Variants in PGBD1 observed in about 807,000 individuals in gnomAD.
PGBD1 encodes the protein piggyBac transposable element-derived protein 1.
In PGBD1, 25 loss-of-function variants were observed where a neutral mutation model predicts 34.7. The observed-to-expected ratio is 0.72, with a 90% confidence interval of 0.52 to 1.00. The LOEUF (loss-of-function observed/expected upper bound fraction) is 1.00, where lower values mean the gene tolerates loss of function less well. Ranked by LOEUF, PGBD1 falls within the 50% of genes least tolerant of loss-of-function variation. The probability of loss-of-function intolerance (pLI) is 0.00; values close to 1 mark genes in which losing one functional copy is unlikely to be tolerated. For missense variants in PGBD1, 830 were observed against 959.4 expected, an observed-to-expected ratio of 0.87 and a Z score of 1.78; for synonymous variants, 292 against 335.7, an observed-to-expected ratio of 0.87 and a Z score of 1.42.
chr6:28,290,003 T>C (rs1002673161), intron 4 of PGBD1, among the ~76,000 whole-genome samples: 13 of 152,220 alleles, frequency 8.5e-5, no homozygotes, highest in African/African-American at 2.9e-4. Flanking sequence ...GTAAGCCTCA[T>C]GATAACTACA....
intron 4 of PGBD1, among the ~76,000 whole-genome samples, chr6:28,293,419 G>C (rs1414580624): frequency 3.3e-5 from 5 of 152,144 alleles, no homozygotes; most frequent in African/African-American, 7.2e-5. Context: ...ACTGATAAAG[G>C]GAGAAAATAA....
intron 4 of PGBD1, among the ~76,000 whole-genome samples, chr6:28,294,295 G>C (rs766937086): frequency 6.6e-6 from 1 of 152,208 alleles, no homozygotes; most frequent in Non-Finnish European, 1.5e-5. Flanking sequence ...GGTTCGTGAG[G>C]TGTAAGGAAG....
At position 28,299,461 on chromosome 6, in the gene PGBD1, C is replaced by T. The variant is rs74984315; in HGVS notation, c.870-1263C>T. Among the ~76,000 whole-genome samples the T allele has an allele frequency of 7.4e-3, 1,128 of 152,142 alleles. 12 individuals carry two copies. Among genetic ancestry groups the T allele is most frequent in the East Asian group, 0.065 (334 of 5,170 alleles). On this transcript the variant is annotated intron_variant, in intron 6 of 6. Transcript: ENST00000682144. ...TTTAGATGTCAACAGTAGAAAGACT[C>T]AGTGTGATCAAGGAATGTCACTGAA...
intron 2 of PGBD1, 96 bp from the exon 3 acceptor site, chr6:28,285,455 G>A (rs1222808183): frequency 3.9e-6 from 5 of 1,295,256 alleles, no homozygotes; most frequent in Non-Finnish European, 5.2e-6. Context: ...TTTCTGCCTT[G>A]TTTGCTGCTG....
In PGBD1 at chr6:28,284,161, G is replaced by A. The variant is rs755314966; in HGVS notation, c.348G>A (p.Val116=). ...CTCTGGAGAGTGGAGAGGAGGCAGT[G>A]ACAGTGCTGGAGAATCTAGAGACAG... is the stretch of plus-strand genomic sequence containing the variant. ...TYPLESGEEA[V]TVLENLETGS... Residue 116 remains valine, a synonymous_variant, in exon 2 of 7, where the codon GTG becomes GTA. Transcript: ENST00000682144. 4 of 1,595,566 alleles carry A rather than the reference G, an allele frequency of 2.5e-6. No homozygotes were observed. In the African/African-American group the frequency reaches 4.0e-5, roughly 16 times the overall value.
chr6:28,288,257 C>A (rs934587900), intron 4 of PGBD1, among the ~76,000 whole-genome samples: 2 of 152,192 alleles, frequency 1.3e-5, no homozygotes, highest in Non-Finnish European at 2.9e-5. Context: ...CCCCACGTAC[C>A]TGTGAATGTG....
intron 3 of PGBD1, 51 bp from the exon 4 acceptor site, chr6:28,287,029 C>A (rs767612724): frequency 1.4e-6 from 2 of 1,424,076 alleles, no homozygotes; most frequent in East Asian, 2.3e-5. Flanking sequence ...AAAAAGGGTA[C>A]CCTAAAGGCC....
intron 6 of PGBD1, among the ~76,000 whole-genome samples, chr6:28,299,965 C>A (rs2113758171): frequency 6.7e-6 from 1 of 149,944 alleles, no homozygotes; most frequent in African/African-American, 2.5e-5. Context: ...CATGCCACTG[C>A]ACTCCAGCCT....
chr6:28,294,348 G>A (rs949268044), intron 4 of PGBD1, among the ~76,000 whole-genome samples: 1 of 152,222 alleles, frequency 6.6e-6, no homozygotes, highest in Non-Finnish European at 1.5e-5. Flanking sequence ...TGCTGATGCA[G>A]ATGCTGCAGC....
intron 3 of PGBD1, 85 bp from the exon 4 acceptor site, chr6:28,286,995 T>G: frequency 2.0e-6 from 2 of 1,001,868 alleles, no homozygotes; most frequent in Non-Finnish European, 3.2e-6. Context: ...AAACATAACA[T>G]TTGGGGGAAA....
chr6:28,297,845 T>TTTAAAAATAAAA, intron 5 of PGBD1, 50 bp from the exon 6 acceptor site: 1 of 283,634 alleles, frequency 3.5e-6, no homozygotes, highest in Non-Finnish European at 6.6e-6. Flanking sequence ...TTTTTTTTTT[T>TTTAAAAATAAAA]CAAAATTCAC....
chr6:28,283,298 A>T (rs1298373089), intron 1 of PGBD1, among the ~76,000 whole-genome samples: 11 of 152,096 alleles, frequency 7.2e-5, no homozygotes, highest in African/African-American at 2.7e-4. Context: ...GGAAAAAGAG[A>T]CTCCACCCCT....
At chr6:28,297,225 T>A (rs554511005) in intron 5 of PGBD1, among the ~76,000 whole-genome samples, 2 of 152,258 alleles carry the variant, frequency 1.3e-5, no homozygotes, top group South Asian at 4.1e-4. Flanking sequence ...CCTTTTCCCC[T>A]TTTTTCTTCC....
chr6:28,285,543 G>T lies in PGBD1; in HGVS notation c.397-8G>T. ...CATGCCCTTTCAAAATAAATCTTTT[G>T]TTTCCAGGCCTCTGTCTATATTCAG... On this transcript the variant is annotated splice_region_variant and splice_polypyrimidine_tract_variant and intron_variant, in intron 2 of 6. Coordinates refer to ENST00000682144, the MANE Select transcript of PGBD1 (RefSeq NM_032507.4). 1.2e-6 allele frequency: 2 copies of T among 1,612,832 alleles called. No individual in the cohort carries two copies. Among genetic ancestry groups the T allele is most frequent in the Non-Finnish European group, 1.7e-6 (2 of 1,179,426 alleles).
intron 2 of PGBD1, among the ~76,000 whole-genome samples, chr6:28,284,894 T>G (rs1399220724): frequency 6.6e-6 from 1 of 152,202 alleles, no homozygotes; most frequent in Non-Finnish European, 1.5e-5. Context: ...TTTAGGGAAA[T>G]TAAACTTACG....
At chr6:28,285,423 G>T in intron 2 of PGBD1, 128 bp from the exon 3 acceptor site, 3 of 977,766 alleles carry the variant, frequency 3.1e-6, no homozygotes, top group Non-Finnish European at 4.3e-6. Context: ...TGTTTTTCTG[G>T]GCTGGGATCC....
Position 28,300,921 on chromosome 6 carries a change from G to A in PGBD1, c.1067G>A (p.Gly356Asp). 6.2e-7 allele frequency: 1 copy of A among 1,614,090 alleles called. No homozygotes were observed. The highest frequency in any genetic ancestry group is 8.5e-7 in the Non-Finnish European group (1 of 1,180,022). Residue 356 changes from glycine to aspartate, a missense_variant, in exon 7 of 7, where the codon GGC becomes GAC. By Grantham distance (94) the Gly-to-Asp change is moderately conservative. Coordinates refer to ENST00000682144, the MANE Select transcript of PGBD1 (RefSeq NM_032507.4). This position sits in a 1 kb window ranked among gnomAD's most constrained non-coding sequence, Gnocchi z 4.0. ...DKARVSELLQ[G>D]LSFSGDSDVE... ...GCTCGAGTGAGTGAACTGCTCCAAG[G>A]CCTCTCATTCTCTGGTGACTCAGAT...
chr6:28,296,921 A>G lies in PGBD1; in HGVS notation c.748A>G (p.Thr250Ala). 1 of 1,614,076 alleles carries G rather than the reference A, an allele frequency of 6.2e-7. No homozygotes were observed. Among genetic ancestry groups the G allele is most frequent in the East Asian group, 2.2e-5 (1 of 44,882 alleles). ...CCTCTGTGGGAACTCAGCTCAGGAG[A>G]CAGTTATGAGCCTCAGTCCGATGAG... ...RNLCGNSAQE[T>A]VMSLSPMTEE... is the part of the protein sequence containing the mutation. Residue 250 changes from threonine (T) to alanine (A), a missense_variant, in exon 5 of 7, where the codon ACA (threonine) becomes GCA (alanine). Thr to Ala is a moderately conservative substitution (Grantham distance 58). Transcript: ENST00000682144.
chr6:28,281,978 T>C (rs1353532527), intron 1 of PGBD1, 60 bp downstream of exon 1: 1 of 151,504 alleles, frequency 6.6e-6, no homozygotes, highest in East Asian at 1.9e-4. Flanking sequence ...AGAACCCGGG[T>C]GGGGATGGGG....
Sources: gnomAD v4.1 joint callset for allele counts (sites outside exome capture counted in the v4.1 genomes callset) on GRCh38, gnomAD v4.1.1 for gene constraint, Gnocchi (gnomAD v3.1) non-coding constraint, MANE v1.5 for transcripts, NCBI Gene and HGNC (gene_info 2026-07-23, HGNC 2026-07-21) for gene names.